Variants in MIPEP observed in about 807,000 individuals in gnomAD.
The protein encoded by MIPEP is mitochondrial intermediate peptidase.
A neutral mutation model predicts 90.3 loss-of-function variants in MIPEP; 79 were observed. The observed-to-expected ratio is 0.87, with a 90% CI of 0.73 to 1.05. The LOEUF (loss-of-function observed/expected upper bound fraction) is 1.05, where lower values mean the gene tolerates loss of function less well. Among genes scored for constraint, MIPEP ranks in the 50% least tolerant of loss-of-function variants. The pLI, the probability that MIPEP is intolerant of heterozygous loss-of-function variation, is 0.00. For missense variants in MIPEP, 940 were observed against 905.6 expected (o/e 1.04, Z -0.49); for synonymous variants, 334 against 315.8 (o/e 1.06, Z -0.61).
At chr13:23,749,458 C>T (rs952357402) in intron 18 of MIPEP, among the ~76,000 whole-genome samples, 2 of 152,146 alleles carry the variant, frequency 1.3e-5, no homozygotes, top group African/African-American at 4.8e-5. Flanking sequence ...TTTGAATAAA[C>T]GTGTCATCCT....
At chr13:23,823,937 C>T (rs1398069593) in intron 14 of MIPEP, among the ~76,000 whole-genome samples, 10 of 152,224 alleles carry the variant, frequency 6.6e-5, no homozygotes, top group African/African-American at 4.8e-5. Context: ...CAGTTGTCCA[C>T]AGCCTATGCT....
chr13:23,853,250 A>G (rs1002711432), intron 10 of MIPEP, among the ~76,000 whole-genome samples: 5 of 152,158 alleles, frequency 3.3e-5, no homozygotes, highest in Non-Finnish European at 7.3e-5. Flanking sequence ...CACACTCACC[A>G]CCACTCACTC....
In MIPEP at chr13:23,815,944, T is replaced by C. The variant is rs574739732; in HGVS notation, c.1654-6020A>G. 1.5e-4 allele frequency among the ~76,000 whole-genome samples: 23 copies of C among 152,322 alleles called. No individual in the cohort carries two copies. In the South Asian group the frequency reaches 3.5e-3, roughly 23 times the overall value. On this transcript the variant is annotated intron_variant, in intron 14 of 18. Coordinates refer to ENST00000382172, the MANE Select transcript of MIPEP (RefSeq NM_005932.4). The stretch of plus-strand genomic sequence containing the variant: ...ATACTGGCACTAATCAGAAAATCTC[T>C]CTCTTCTGACGATCAAATGTATCTC...
In MIPEP at chr13:23,776,714, A is replaced by G. The variant is rs566085380; in HGVS notation, c.1849-16497T>C. On this transcript the variant is annotated intron_variant, in intron 16 of 18. Coordinates refer to ENST00000382172, the MANE Select transcript of MIPEP (RefSeq NM_005932.4). The stretch of plus-strand genomic sequence containing the variant: ...GTTGACTTGGGAAAGAAAGTAGAAT[A>G]AGCAAAATCACTGGGCAGGATAAGT... 5.9e-5 allele frequency among the ~76,000 whole-genome samples: 9 copies of G among 152,330 alleles called. No homozygotes were observed. The South Asian group carries it at 1.7e-3, about 28-fold the overall frequency.
At chr13:23,730,757 T>C (rs1356152130) in intron 18 of MIPEP, among the ~76,000 whole-genome samples, 6 of 151,632 alleles carry the variant, frequency 4.0e-5, no homozygotes, top group African/African-American at 1.5e-4. Flanking sequence ...AGAAGACTGA[T>C]TTTTTTTTAG....
At chr13:23,737,795 G>A (rs1258468759) in intron 18 of MIPEP, among the ~76,000 whole-genome samples, 2 of 152,094 alleles carry the variant, frequency 1.3e-5, no homozygotes, top group African/African-American at 4.8e-5. Context: ...ATCTCATTCT[G>A]GCTCCCTTTC....
At chr13:23,731,741 T>C (rs1334059165) in intron 18 of MIPEP, among the ~76,000 whole-genome samples, 1 of 152,156 alleles carries the variant, frequency 6.6e-6, no homozygotes, top group African/African-American at 2.4e-5. Flanking sequence ...GTAAGACTGG[T>C]ATCCAGAAAA....
At chr13:23,802,134 A>AT (rs1953049906) in intron 16 of MIPEP, among the ~76,000 whole-genome samples, 1 of 152,054 alleles carries the variant, frequency 6.6e-6, no homozygotes, top group African/African-American at 2.4e-5. Flanking sequence ...CAATTGTTTT[A>AT]TTTTTTGCCA....
intron 16 of MIPEP, among the ~76,000 whole-genome samples, chr13:23,787,971 T>C (rs985827143): frequency 1.3e-5 from 2 of 152,204 alleles, no homozygotes; most frequent in African/African-American, 4.8e-5. Flanking sequence ...GCCTCTTTAA[T>C]GGTTCACAGA....
intron 4 of MIPEP, among the ~76,000 whole-genome samples, chr13:23,878,251 T>C (rs1204796534): frequency 1.3e-5 from 2 of 152,216 alleles, no homozygotes; most frequent in African/African-American, 4.8e-5. Flanking sequence ...TAAACTACTG[T>C]GATGACACAG....
intron 10 of MIPEP, among the ~76,000 whole-genome samples, chr13:23,853,047 T>C (rs1467389499): frequency 6.6e-6 from 1 of 152,182 alleles, no homozygotes; most frequent in East Asian, 1.9e-4. Flanking sequence ...TGCTTGTGTT[T>C]CAAGCTAAAT....
intron 16 of MIPEP, among the ~76,000 whole-genome samples, chr13:23,783,681 T>C (rs1225299804): frequency 6.6e-6 from 1 of 152,226 alleles, no homozygotes; most frequent in African/African-American, 2.4e-5. Context: ...GCAGATGACA[T>C]GATTGTATAT....
At chr13:23,826,301 C>T (rs1868449279) in intron 14 of MIPEP, among the ~76,000 whole-genome samples, 1 of 152,022 alleles carries the variant, frequency 6.6e-6, no homozygotes, top group African/African-American at 2.4e-5. Flanking sequence ...TATCAAAGAT[C>T]TAAACAATAC....
At chr13:23,824,952 G>A (rs1333387462) in intron 14 of MIPEP, among the ~76,000 whole-genome samples, 1 of 152,156 alleles carries the variant, frequency 6.6e-6, no homozygotes, top group Non-Finnish European at 1.5e-5. Flanking sequence ...TTTAATGTGT[G>A]ATAGGGATCC....
At chr13:23,860,622 G>A (rs117434363) in intron 9 of MIPEP, among the ~76,000 whole-genome samples, 3 of 152,112 alleles carry the variant, frequency 2.0e-5, no homozygotes, top group Non-Finnish European at 4.4e-5. Context: ...AAACAACAGA[G>A]TGACAAGATC....
At chr13:23,737,615 C>A (rs1162799417) in intron 18 of MIPEP, among the ~76,000 whole-genome samples, 1 of 152,188 alleles carries the variant, frequency 6.6e-6, no homozygotes, top group African/African-American at 2.4e-5. Context: ...ACATAATGAA[C>A]ATATAATCCA....
intron 18 of MIPEP, among the ~76,000 whole-genome samples, chr13:23,734,621 GCAAT>G (rs1952240003): frequency 1.3e-5 from 2 of 152,130 alleles, no homozygotes; most frequent in South Asian, 4.1e-4. Context: ...CCAACTCACA[GCAAT>G]CAAACTCCAA....
chr13:23,852,889 AC>A (rs1869863755), intron 10 of MIPEP, among the ~76,000 whole-genome samples: 1 of 152,090 alleles, frequency 6.6e-6, no homozygotes, highest in East Asian at 1.9e-4. Context: ...GATGATTCTG[AC>A]CCTGTGTAAG....
intron 10 of MIPEP, among the ~76,000 whole-genome samples, chr13:23,854,924 A>AAC (rs1383181708): frequency 6.6e-6 from 1 of 151,952 alleles, no homozygotes; most frequent in African/African-American, 2.4e-5. Flanking sequence ...TAAACAAACA[A>AAC]ACAAACAAAA....
Sources: gnomAD v4.1 joint callset for allele counts (sites outside exome capture counted in the v4.1 genomes callset) on GRCh38, gnomAD v4.1.1 for gene constraint, MANE v1.5 for transcripts, NCBI Gene and HGNC (gene_info 2026-07-23, HGNC 2026-07-21) for gene names.